Variants in CFAP46 observed in about 807,000 individuals in gnomAD.
CFAP46 encodes cilia and flagella associated protein 46, also known as cilia- and flagella-associated protein 46.
CFAP46 carries 245 observed loss-of-function variants against 325.7 expected under a neutral mutation model. The observed-to-expected ratio is 0.75, with a 90% CI of 0.68 to 0.84. The LOEUF is 0.84. Ranked by LOEUF, CFAP46 falls within the 40% of genes least tolerant of loss-of-function variation. The pLI is 0.00. For synonymous variants in CFAP46, 1,523 were observed against 1,495.9 expected, an observed-to-expected ratio of 1.02 and a Z score of -0.42; for missense variants, 3,346 against 3,543.0, an observed-to-expected ratio of 0.94 and a Z score of 1.41.
Position 132,834,130 on chromosome 10 carries a change from G to A in CFAP46, c.6867-7C>T. On this transcript the variant is annotated splice_region_variant and splice_polypyrimidine_tract_variant and intron_variant, in intron 48 of 57. Coordinates refer to ENST00000368586, the MANE Select transcript of CFAP46 (RefSeq NM_001200049.3). The stretch of plus-strand genomic sequence containing the variant: ...AACCGCAGGTGTCTGCACTCTGAAA[G>A]TCAGGTTATATATTCGGGTTTAAGA... The A allele has an allele frequency of 6.2e-7, 1 of 1,613,838 alleles. No individual in the cohort carries two copies. The highest frequency in any genetic ancestry group is 8.5e-7 in the Non-Finnish European group (1 of 1,179,812).
rs1311385499 is a variant in CFAP46 at position 132,834,575 on chromosome 10, C to T, written c.6866+79G>A. ...CGGCCGAGAAGGCACAGCAAGCACA[C>T]GTGGTTGGCCACAGCACTGGACACA... On this transcript the variant is annotated intron_variant, in intron 48 of 57. Coordinates refer to ENST00000368586, the MANE Select transcript of CFAP46 (RefSeq NM_001200049.3). 12 of 1,551,058 alleles carry T rather than the reference C, an allele frequency of 7.7e-6. No homozygotes were observed. In the South Asian group the frequency reaches 1.1e-4, roughly 14 times the overall value.
At chr10:132,922,385 T>C (rs1849737500) in intron 12 of CFAP46, 95 bp downstream of exon 12, 1 of 1,451,714 alleles carries the variant, frequency 6.9e-7, no homozygotes, top group East Asian at 2.5e-5. Context: ...CAGGCAGCCC[T>C]GGGCGGCTCC....
chr10:132,859,156 G>C lies in CFAP46; in HGVS notation c.5290C>G (p.Leu1764Val). ...SLLLKEMDDG[L>V]LEIERKFIDC... is the part of the protein sequence containing the mutation. The stretch of plus-strand genomic sequence containing the variant: ...ATAAACTTTCTCTCAATTTCCAACA[G>C]GCCATCATCCATCTCTTTCAGTAGC... Residue 1764 changes from leucine (L) to valine (V), a missense_variant, in exon 38 of 58, where the codon CTG (leucine) becomes GTG (valine). Transcript: ENST00000368586. 1 of 1,550,880 alleles carries C rather than the reference G, an allele frequency of 6.4e-7. No homozygotes were observed. The highest frequency in any genetic ancestry group is 8.7e-7 in the Non-Finnish European group (1 of 1,147,064).
rs762654558 is a variant in CFAP46, at chr10:132,836,177, A to G, written c.6578T>C (p.Ile2193Thr). The change falls in exon 46 of 58, where the codon ATT becomes ACT. Residue 2193 changes from isoleucine to threonine, a missense_variant. Ile to Thr is a moderately conservative substitution (Grantham distance 89). Transcript: ENST00000368586. ...CTGCACCTTTCCTTTGGCTGCAGTAATGAACTTGGGTTTCTCGTAGGCAGC... is the reference window on the plus strand; with the variant it reads ...CTGCACCTTTCCTTTGGCTGCAGTAGTGAACTTGGGTTTCTCGTAGGCAGC... ...YGAAYEKPKF[I>T]TAAKGKVQAV... 4.3e-6 allele frequency: 7 copies of G among 1,609,686 alleles called. No individual in the cohort carries two copies. In the South Asian group the frequency reaches 6.6e-5, roughly 15 times the overall value.
rs1848703496 is a variant in CFAP46 at position 132,860,355 on chromosome 10, A to G, written c.5198+62T>C. 1.5e-5 allele frequency: 20 copies of G among 1,321,684 alleles called. No homozygotes were observed. The South Asian group carries it at 2.2e-4, about 15-fold the overall frequency. 81.9% of individuals were successfully genotyped at this position (1,321,684 alleles called of 1,614,324 possible). On this transcript the variant is annotated intron_variant, in intron 37 of 57. Coordinates refer to ENST00000368586, the MANE Select transcript of CFAP46 (RefSeq NM_001200049.3). ...ACTTGACGTATGGCACAAAAATTGC[A>G]GATGGAAAAGAGGAAACCACAGCTT...
chr10:132,822,328 G>A (rs1360730382), intron 50 of CFAP46, among the ~76,000 whole-genome samples: 1 of 146,794 alleles, frequency 6.8e-6, no homozygotes, highest in African/African-American at 2.6e-5. Flanking sequence ...GTGGTGATGT[G>A]TGCTGTGTGT....
chr10:132,893,303 G>C (rs547519175), intron 24 of CFAP46, among the ~76,000 whole-genome samples: 5 of 152,244 alleles, frequency 3.3e-5, no homozygotes, highest in African/African-American at 7.2e-5. Context: ...TACGCTGGAA[G>C]TCAGCCAATG....
At chr10:132,935,172 G>A (rs765626140) in intron 7 of CFAP46, among the ~76,000 whole-genome samples, 9 of 152,038 alleles carry the variant, frequency 5.9e-5, no homozygotes, top group Admixed American at 3.3e-4. Flanking sequence ...TCTGCTCAAC[G>A]GCGATAGGAC....
chr10:132,900,547 C>T (rs1335753435), intron 22 of CFAP46, among the ~76,000 whole-genome samples: 2 of 152,256 alleles, frequency 1.3e-5, no homozygotes, highest in African/African-American at 4.8e-5. Flanking sequence ...CTTGCAGGAG[C>T]AGACAGCCAC....
intron 50 of CFAP46, 43 bp from the exon 51 acceptor site, chr10:132,814,957 C>T (rs377598185): frequency 3.1e-5 from 48 of 1,571,812 alleles, no homozygotes; most frequent in South Asian, 4.5e-5. Flanking sequence ...GGCAGCAGCT[C>T]GAGGCAGCCC....
chr10:132,914,945 T>C (rs1266939830), intron 17 of CFAP46, among the ~76,000 whole-genome samples: 28 of 152,208 alleles, frequency 1.8e-4, no homozygotes, highest in Admixed American at 1.8e-3. Context: ...CTGAATCACA[T>C]GCAGGCTCTG....
At chr10:132,824,831 G>C (rs1459214396) in intron 50 of CFAP46, among the ~76,000 whole-genome samples, 2 of 146,376 alleles carry the variant, frequency 1.4e-5, no homozygotes, top group East Asian at 4.2e-4. Flanking sequence ...TCTGTGCGCT[G>C]TGTGCTGTGT....
chr10:132,878,007 T>A lies in CFAP46; in HGVS notation c.4086A>T (p.Lys1362Asn). 6.5e-7 allele frequency: 1 copy of A among 1,544,742 alleles called. No individual in the cohort carries two copies. Among genetic ancestry groups the A allele is most frequent in the Non-Finnish European group, 8.7e-7 (1 of 1,144,002 alleles). Residue 1362 changes from lysine to asparagine, a missense_variant, in exon 30 of 58, where the codon AAA becomes AAT. Transcript: ENST00000368586. Reference sequence around the variant, plus strand: ...TACTCCTCTCATTCTCCTTCTCTTTTTTAGGCAATAACAGATGTGAGCTGG... The same window carrying A: ...TACTCCTCTCATTCTCCTTCTCTTTATTAGGCAATAACAGATGTGAGCTGG... ...AATSSHLLLP[K>N]KEKENERSKE...
intron 56 of CFAP46, 65 bp downstream of exon 56, chr10:132,810,885 A>C: frequency 6.9e-7 from 1 of 1,456,498 alleles, no homozygotes; most frequent in Non-Finnish European, 9.4e-7. Flanking sequence ...TGTGGGTCCC[A>C]CGCCCGTCTG....
intron 5 of CFAP46, among the ~76,000 whole-genome samples, chr10:132,938,101 C>T (rs1027982491): frequency 8.5e-5 from 13 of 152,308 alleles, no homozygotes; most frequent in African/African-American, 2.6e-4. Flanking sequence ...TTCCGCCGCC[C>T]GGCACAGTGA....
chr10:132,914,012 A>G (rs1591088091), intron 17 of CFAP46, among the ~76,000 whole-genome samples: 1 of 152,224 alleles, frequency 6.6e-6, no homozygotes, highest in East Asian at 1.9e-4. Flanking sequence ...TCACCCCTGC[A>G]AACCTCTGGC....
Position 132,886,616 on chromosome 10 carries a change from G to T in CFAP46, c.3305-657C>A, listed in dbSNP as rs1450042889. Among the ~76,000 whole-genome samples the T allele has an allele frequency of 6.6e-6, 1 of 152,182 alleles. No individual in the cohort carries two copies. Among genetic ancestry groups the T allele is most frequent in the Non-Finnish European group, 1.5e-5 (1 of 68,018 alleles). On this transcript the variant is annotated intron_variant, in intron 25 of 57. Coordinates refer to ENST00000368586, the MANE Select transcript of CFAP46 (RefSeq NM_001200049.3). This position sits in a 1 kb window ranked among gnomAD's most constrained non-coding sequence, Gnocchi z 5.8. ...CTCAGTGTCTGGGCGAGCTGCAGAT[G>T]AACTTGAAGGGCCCTGAAGAGACGG...
At chr10:132,903,687 A>C (rs563524656) in intron 22 of CFAP46, among the ~76,000 whole-genome samples, 26 of 152,360 alleles carry the variant, frequency 1.7e-4, no homozygotes, top group African/African-American at 6.3e-4. Flanking sequence ...GATACCCATT[A>C]TGCTTTCAAG....
At chr10:132,830,264 C>T (rs1848127908) in intron 50 of CFAP46, among the ~76,000 whole-genome samples, 1 of 152,110 alleles carries the variant, frequency 6.6e-6, no homozygotes, top group Non-Finnish European at 1.5e-5. Flanking sequence ...CTGTCTTAGC[C>T]TCCTGAGTAG....
Sources: gnomAD v4.1 joint callset for allele counts (sites outside exome capture counted in the v4.1 genomes callset) on GRCh38, gnomAD v4.1.1 for gene constraint, Gnocchi (gnomAD v3.1) non-coding constraint, MANE v1.5 for transcripts, NCBI Gene and HGNC (gene_info 2026-07-23, HGNC 2026-07-21) for gene names.